Variants in PRRX2 observed in about 807,000 individuals in gnomAD.
The protein encoded by PRRX2 is paired related homeobox 2, also known as paired mesoderm homeobox protein 2.
PRRX2 carries 11 observed loss-of-function variants against 18.0 expected under a neutral mutation model. That is an observed-to-expected ratio of 0.61 (90% CI 0.39 to 1.01). The LOEUF is 1.01. PRRX2 is among the 50% of genes least tolerant of loss of function. The probability of loss-of-function intolerance (pLI) is 0.01; values close to 1 mark genes in which losing one functional copy is unlikely to be tolerated. For missense variants in PRRX2, 387 were observed against 351.0 expected (o/e 1.10, Z -0.82); for synonymous variants, 177 against 154.8 (o/e 1.14, Z -1.06).
At chr9:129,679,687 G>C (rs567071269) in intron 1 of PRRX2, among the ~76,000 whole-genome samples, 1 of 152,316 alleles carries the variant, frequency 6.6e-6, no homozygotes, top group South Asian at 2.1e-4. Context: ...AAGGTAAGAA[G>C]GTTCCATAAC....
chr9:129,708,781 C>A (rs1175636327), intron 1 of PRRX2, among the ~76,000 whole-genome samples: 1 of 152,216 alleles, frequency 6.6e-6, no homozygotes, highest in African/African-American at 2.4e-5. Flanking sequence ...GTTGAGACTT[C>A]AGATCCTTTT....
chr9:129,706,886 C>G (rs111476786), intron 1 of PRRX2, among the ~76,000 whole-genome samples: 1 of 152,172 alleles, frequency 6.6e-6, no homozygotes, highest in African/African-American at 2.4e-5. Flanking sequence ...TCACTGCAGT[C>G]CCCCCAGCCC....
Position 129,687,282 on chromosome 9 carries a change from GAAGGA to G in PRRX2, c.259+21161_259+21165del, listed in dbSNP as rs566277476. On this transcript the variant is annotated intron_variant, in intron 1 of 3. Coordinates refer to ENST00000372469, the MANE Select transcript of PRRX2 (RefSeq NM_016307.4). ...ATTCAACATGCACAGATGCTTCATG[GAAGGA>G]AAGGGGCAAAAGTGGCCTCGAGGCC... Among the ~76,000 whole-genome samples, 6 of 152,322 alleles carry G rather than the reference GAAGGA, an allele frequency of 3.9e-5. No homozygotes were observed. The South Asian group carries it at 1.2e-3, about 32-fold the overall frequency.
chr9:129,689,941 C>T (rs537323214), intron 1 of PRRX2, among the ~76,000 whole-genome samples: 41 of 151,444 alleles, frequency 2.7e-4, no homozygotes, highest in Middle Eastern at 3.4e-3. Flanking sequence ...TTAGTAGAGA[C>T]GGGGTTTCAC....
rs897807963 is a variant in PRRX2 at position 129,711,399 on chromosome 9, CTTTTTT to C, written c.260-7813_260-7808del. Among the ~76,000 whole-genome samples the C allele has an allele frequency of 9.4e-5, 8 of 85,044 alleles. 1 individual carries two copies. Among genetic ancestry groups the C allele is most frequent in the East Asian group, 3.2e-4 (1 of 3,096 alleles). The allele number at this position is 85,044 out of a possible 152,430, so 55.8% of individuals were successfully genotyped here. A position where few individuals can be genotyped will look rare whatever the true frequency, so the allele number is the denominator to read the frequency against. ...ATTCCCATTTTTCAGGTGAGATTCTCTTTTTTTTTTTTTTTTTTTTTTTTGAGACAG... is the reference window on the plus strand; with the variant it reads ...ATTCCCATTTTTCAGGTGAGATTCTCTTTTTTTTTTTTTTTTTTGAGACAG... On this transcript the variant is annotated intron_variant, in intron 1 of 3. Coordinates refer to ENST00000372469, the MANE Select transcript of PRRX2 (RefSeq NM_016307.4).
intron 1 of PRRX2, among the ~76,000 whole-genome samples, chr9:129,673,652 C>CCACACACA (rs3054761): frequency 2.7e-5 from 4 of 149,328 alleles, no homozygotes; most frequent in African/African-American, 7.4e-5. Flanking sequence ...ACCCCCCATG[C>CCACACACA]CACACACACA....
intron 1 of PRRX2, among the ~76,000 whole-genome samples, chr9:129,668,258 G>C (rs1485776529): frequency 6.6e-6 from 1 of 152,212 alleles, no homozygotes. Context: ...CTCCAAAGGT[G>C]GGGGAGATGG....
At chr9:129,706,018 A>T (rs576777515) in intron 1 of PRRX2, among the ~76,000 whole-genome samples, 1 of 152,088 alleles carries the variant, frequency 6.6e-6, no homozygotes, top group Admixed American at 6.5e-5. Context: ...ACCCCCAGAG[A>T]CTCAGGAGAT....
intron 1 of PRRX2, among the ~76,000 whole-genome samples, chr9:129,669,304 C>T (rs538139750): frequency 2.9e-4 from 44 of 152,360 alleles, no homozygotes; most frequent in Admixed American, 2.0e-3. Flanking sequence ...ACCAGGGTCG[C>T]GGGTTCCTTC....
chr9:129,698,244 TGGTTGGATGGGGCGGGGGGGGGGGGGG>T (rs1832451027), intron 1 of PRRX2, among the ~76,000 whole-genome samples: 1 of 31,316 alleles, frequency 3.2e-5, no homozygotes, highest in African/African-American at 9.1e-5. Flanking sequence ...GAGAAATGGG[TGGTTGGATGGGGCGGGGGGGGGGGGGG>T]GCGGGGGCAC....
At chr9:129,708,287 C>T (rs1007737180) in intron 1 of PRRX2, among the ~76,000 whole-genome samples, 5 of 152,270 alleles carry the variant, frequency 3.3e-5, no homozygotes, top group Admixed American at 1.3e-4. Flanking sequence ...CCACCTGCCT[C>T]GGCCTCTGAA....
At chr9:129,694,747 A>G (rs1032918779) in intron 1 of PRRX2, among the ~76,000 whole-genome samples, 1 of 152,084 alleles carries the variant, frequency 6.6e-6, no homozygotes, top group African/African-American at 2.4e-5. Flanking sequence ...AGGTGTGAGG[A>G]TTCCTCCAAG....
chr9:129,706,126 C>T, intron 1 of PRRX2, among the ~76,000 whole-genome samples: 1 of 152,294 alleles, frequency 6.6e-6, no homozygotes, highest in East Asian at 1.9e-4. Flanking sequence ...GTATATTTCA[C>T]ATACTGTACA....
chr9:129,711,606 AC>A (rs1832621916), intron 1 of PRRX2, among the ~76,000 whole-genome samples: 1 of 151,764 alleles, frequency 6.6e-6, no homozygotes, highest in Admixed American at 6.6e-5. Context: ...CCGGGGTTTC[AC>A]CATGTTGGCC....
chr9:129,702,010 A>C (rs1405329858), intron 1 of PRRX2, among the ~76,000 whole-genome samples: 1 of 152,186 alleles, frequency 6.6e-6, no homozygotes, highest in African/African-American at 2.4e-5. Flanking sequence ...CTGAGGCAGG[A>C]GAATCGCTTG....
intron 1 of PRRX2, among the ~76,000 whole-genome samples, chr9:129,694,554 C>A (rs1001444503): frequency 1.3e-5 from 2 of 152,188 alleles, no homozygotes; most frequent in African/African-American, 2.4e-5. Flanking sequence ...AAGGGAGATT[C>A]ATGCGTGCTC....
At chr9:129,705,088 A>G (rs1832540219) in intron 1 of PRRX2, among the ~76,000 whole-genome samples, 2 of 152,120 alleles carry the variant, frequency 1.3e-5, no homozygotes, top group Admixed American at 1.3e-4. Flanking sequence ...CTTAGACCAA[A>G]TTTCGAGCAG....
In PRRX2 at chr9:129,671,747, C is replaced by T. The variant is rs1298983475; in HGVS notation, c.259+5621C>T. ...CTGAGGGCCTGTGAGTCAGGCGAGG[C>T]TGTCAGAGGCCCAGACAGGCAAAGC... On this transcript the variant is annotated intron_variant, in intron 1 of 3. Transcript: ENST00000372469. The surrounding 1 kb of genome is among the most constrained non-coding windows in gnomAD (Gnocchi z 4.0). 6.6e-6 allele frequency among the ~76,000 whole-genome samples: 1 copy of T among 152,238 alleles called. No individual in the cohort carries two copies. Among genetic ancestry groups the T allele is most frequent in the Admixed American group, 6.5e-5 (1 of 15,288 alleles).
In PRRX2 at chr9:129,675,787, G is replaced by A. The variant is rs1170810327; in HGVS notation, c.259+9661G>A. Among the ~76,000 whole-genome samples the A allele has an allele frequency of 1.3e-5, 2 of 152,230 alleles. No individual in the cohort carries two copies. Among genetic ancestry groups the A allele is most frequent in the Non-Finnish European group, 2.9e-5 (2 of 68,034 alleles). ...AAACCTCGGAATCAAAGCGGGAGCC[G>A]CCAGGCGGGCGCGCCTGGCAGGGGC... On this transcript the variant is annotated intron_variant, in intron 1 of 3. Transcript: ENST00000372469. The surrounding 1 kb of genome is among the most constrained non-coding windows in gnomAD (Gnocchi z 4.4).
Sources: allele counts gnomAD v4.1 joint callset (sites outside exome capture counted in the v4.1 genomes callset), GRCh38; gene constraint gnomAD v4.1.1; non-coding constraint Gnocchi (gnomAD v3.1); transcripts MANE v1.5; gene names NCBI Gene and HGNC (gene_info 2026-07-23, HGNC 2026-07-21).